Variants in PTPRO observed in about 807,000 individuals in gnomAD.
PTPRO encodes protein tyrosine phosphatase receptor type O.
Under a neutral mutation model 145.2 loss-of-function variants are expected in PTPRO, and 62 were observed. The observed-to-expected ratio is 0.43, with a 90% CI of 0.35 to 0.53. The LOEUF is 0.53. Among genes scored for constraint, PTPRO ranks in the 20% least tolerant of loss-of-function variants. The pLI is 0.01. For missense variants in PTPRO, 1,345 were observed against 1,482.7 expected (o/e 0.91, Z 1.53); for synonymous variants, 565 against 514.7 (o/e 1.10, Z -1.32).
chr12:15,579,900 T>C (rs1944272330), intron 20 of PTPRO, 139 bp from the exon 21 acceptor site: 1 of 686,938 alleles, frequency 1.5e-6, no homozygotes, highest in East Asian at 2.7e-5. Flanking sequence ...AGTTGAAGAA[T>C]AGCTAAAATA....
At chr12:15,385,833 A>G (rs1262140977) in intron 1 of PTPRO, among the ~76,000 whole-genome samples, 1 of 148,990 alleles carries the variant, frequency 6.7e-6, no homozygotes, top group African/African-American at 2.5e-5. Context: ...AAAAAAAAAA[A>G]GAAGAAGAAG....
In PTPRO at chr12:15,504,088, A is replaced by G. The variant is rs766985984; in HGVS notation, c.1267+19A>G. 8 of 1,598,816 alleles carry G rather than the reference A, an allele frequency of 5.0e-6. No homozygotes were observed. The highest frequency in any genetic ancestry group is 4.3e-6 in the Non-Finnish European group (5 of 1,166,554). ...TATATCAGTAAGTAACAAAGAGATC[A>G]TTTTACACTTACTGGGGAGCTAGAA... On this transcript the variant is annotated intron_variant, in intron 6 of 26. Coordinates refer to ENST00000281171, the MANE Select transcript of PTPRO (RefSeq NM_030667.3).
chr12:15,360,226 C>G (rs1938132038), intron 1 of PTPRO, among the ~76,000 whole-genome samples: 1 of 152,108 alleles, frequency 6.6e-6, no homozygotes, highest in African/African-American at 2.4e-5. Context: ...AGGAAAGGAG[C>G]TTATCAGTGT....
intron 1 of PTPRO, among the ~76,000 whole-genome samples, chr12:15,345,209 C>T (rs1487466088): frequency 6.6e-6 from 1 of 152,134 alleles, no homozygotes; most frequent in Non-Finnish European, 1.5e-5. Flanking sequence ...ACCTAGCATG[C>T]AGATAGTTGA....
intron 1 of PTPRO, among the ~76,000 whole-genome samples, chr12:15,361,230 G>A (rs1395898929): frequency 6.6e-6 from 1 of 151,636 alleles, no homozygotes; most frequent in African/African-American, 2.4e-5. Context: ...GAGGTTAGGA[G>A]ATCAAGACCA....
intron 1 of PTPRO, among the ~76,000 whole-genome samples, chr12:15,450,765 G>T (rs948485989): frequency 6.6e-6 from 1 of 151,944 alleles, no homozygotes; most frequent in African/African-American, 2.4e-5. Context: ...AGAGTTACAT[G>T]CTGTCTCAAA....
chr12:15,578,223 A>C (rs1360004954), intron 19 of PTPRO, among the ~76,000 whole-genome samples: 9 of 152,206 alleles, frequency 5.9e-5, no homozygotes, highest in Admixed American at 5.9e-4. Flanking sequence ...TACAAGAAAA[A>C]AAAAGCCTAG....
chr12:15,482,150 T>A (rs1174321844), intron 1 of PTPRO, among the ~76,000 whole-genome samples: 1 of 145,888 alleles, frequency 6.9e-6, no homozygotes, highest in Non-Finnish European at 1.5e-5. Flanking sequence ...ATATGGTGTG[T>A]GTGTGTGTGT....
intron 1 of PTPRO, among the ~76,000 whole-genome samples, chr12:15,418,315 T>A (rs1455501650): frequency 6.6e-6 from 1 of 151,734 alleles, no homozygotes; most frequent in Admixed American, 6.5e-5. Flanking sequence ...CTTTGTTAAC[T>A]CCATAATTTC....
At chr12:15,535,486 C>T (rs2136546945) in intron 12 of PTPRO, among the ~76,000 whole-genome samples, 1 of 152,320 alleles carries the variant, frequency 6.6e-6, no homozygotes, top group East Asian at 1.9e-4. Flanking sequence ...ATGCTTTATC[C>T]TGACCACAGA....
chr12:15,406,834 A>T (rs987623130), intron 1 of PTPRO, among the ~76,000 whole-genome samples: 2 of 152,226 alleles, frequency 1.3e-5, no homozygotes, highest in Admixed American at 6.5e-5. Flanking sequence ...AACAAGATAA[A>T]CTAAAAAACA....
At chr12:15,433,849 T>C (rs1032975312) in intron 1 of PTPRO, among the ~76,000 whole-genome samples, 1 of 152,342 alleles carries the variant, frequency 6.6e-6, no homozygotes, top group Non-Finnish European at 1.5e-5. Context: ...ACTCTTTTTT[T>C]ATTCTATATG....
Position 15,526,262 on chromosome 12 carries a change from G to A in PTPRO, c.2164G>A (p.Glu722Lys). ...CTCCATGCTCCGCCTTGTCAAGCTA[G>A]GTAAGAAGAGTGCACAGAGATGGGT... ...NTSMLRLVKLEPAPPKSLFAV... is the reference protein window; with the variant it reads ...NTSMLRLVKLKPAPPKSLFAV... Residue 722 changes from glutamate (E) to lysine (K), a missense_variant and splice_region_variant, in exon 12 of 27, where the codon GAA becomes AAA. By Grantham distance (56) the Glu-to-Lys change is moderately conservative. This residue lies in a region of PTPRO where 1,130 missense variants were observed against 1,214.7 expected (regional missense o/e 0.93). Coordinates refer to ENST00000281171, the MANE Select transcript of PTPRO (RefSeq NM_030667.3). The A allele has an allele frequency of 1.2e-6, 2 of 1,613,886 alleles. No individual in the cohort carries two copies. Among genetic ancestry groups the A allele is most frequent in the Non-Finnish European group, 1.7e-6 (2 of 1,179,884 alleles).
At chr12:15,531,986 G>A (rs1942971182) in intron 12 of PTPRO, among the ~76,000 whole-genome samples, 1 of 151,874 alleles carries the variant, frequency 6.6e-6, no homozygotes, top group Non-Finnish European at 1.5e-5. Flanking sequence ...AAATACCATG[G>A]GTAGTATTGT....
chr12:15,506,328 G>A (rs1169794765), intron 6 of PTPRO, among the ~76,000 whole-genome samples: 1 of 152,148 alleles, frequency 6.6e-6, no homozygotes, highest in Non-Finnish European at 1.5e-5. Flanking sequence ...AGAGACAGGA[G>A]GTCTGGGTTA....
chr12:15,397,358 T>C (rs1028601946), intron 1 of PTPRO, among the ~76,000 whole-genome samples: 5 of 152,350 alleles, frequency 3.3e-5, no homozygotes, highest in Admixed American at 3.3e-4. Context: ...CCTAAAAGAT[T>C]AATATCATTA....
Position 15,367,712 on chromosome 12 carries a change from AC to A in PTPRO, c.75+44914del, listed in dbSNP as rs533016582. On this transcript the variant is annotated intron_variant, in intron 1 of 26. Coordinates refer to ENST00000281171, the MANE Select transcript of PTPRO (RefSeq NM_030667.3). ...CCCCATCTCAGTTGGTAACAACTCC[AC>A]CCTCCCAGTTGATCAGGTCAAAAAG... Among the ~76,000 whole-genome samples, 9 of 152,214 alleles carry A rather than the reference AC, an allele frequency of 5.9e-5. 2 individuals carry two copies. The South Asian group carries it at 1.9e-3, about 32-fold the overall frequency.
rs576818045 is a variant in PTPRO, at chr12:15,580,743, C to T, written c.3044C>T (p.Pro1015Leu). The T allele has an allele frequency of 3.1e-6, 5 of 1,614,054 alleles. No individual in the cohort carries two copies. In the East Asian group the frequency reaches 6.7e-5, roughly 22 times the overall value. The part of the protein sequence containing the change: ...QEYIATQGPL[P>L]ETRNDFWKMV... Reference sequence around the variant, plus strand: ...TATATTGCCACCCAGGGGCCACTGCCTGAAACCAGAAATGACTTCTGGAAG... The same window carrying T: ...TATATTGCCACCCAGGGGCCACTGCTTGAAACCAGAAATGACTTCTGGAAG... The change falls in exon 22 of 27, where the codon CCT (proline) becomes CTT (leucine). Residue 1015 changes from proline to leucine, a missense_variant. Coordinates refer to ENST00000281171, the MANE Select transcript of PTPRO (RefSeq NM_030667.3).
intron 2 of PTPRO, among the ~76,000 whole-genome samples, 153 bp from the exon 3 acceptor site, chr12:15,497,092 C>T (rs1450932860): frequency 1.3e-5 from 2 of 152,174 alleles, no homozygotes; most frequent in Non-Finnish European, 2.9e-5. Context: ...TAAGAACATT[C>T]AATTCATGGT....
Sources: gnomAD v4.1 joint callset for allele counts (sites outside exome capture counted in the v4.1 genomes callset) on GRCh38, gnomAD v4.1.1 for gene constraint, gnomAD v4.1.1 regional missense constraint, MANE v1.5 for transcripts, NCBI Gene and HGNC (gene_info 2026-07-23, HGNC 2026-07-21) for gene names.